Variants in CNTN5 observed in about 807,000 individuals in gnomAD.
CNTN5 encodes the protein contactin-5.
Under a neutral mutation model 129.1 loss-of-function variants are expected in CNTN5, and 77 were observed. That is an observed-to-expected ratio of 0.60 (90% CI 0.50 to 0.72). The LOEUF (loss-of-function observed/expected upper bound fraction) is 0.72. CNTN5 is among the 30% of genes least tolerant of loss of function. The pLI is 0.00. For missense variants in CNTN5, 1,478 were observed against 1,328.8 expected (o/e 1.11, Z -1.75); for synonymous variants, 509 against 465.6 (o/e 1.09, Z -1.20).
chr11:99,399,779 C>T (rs1001894001), intron 2 of CNTN5, among the ~76,000 whole-genome samples: 1 of 151,462 alleles, frequency 6.6e-6, no homozygotes, highest in Non-Finnish European at 1.5e-5. Context: ...CTTTGATTCT[C>T]TCAGATATTT....
At chr11:99,284,438 G>C (rs1863833670) in intron 1 of CNTN5, among the ~76,000 whole-genome samples, 1 of 151,826 alleles carries the variant, frequency 6.6e-6, no homozygotes, top group African/African-American at 2.4e-5. Flanking sequence ...TGGCTCCAAC[G>C]GTGACTTGTT....
chr11:99,215,515 T>A (rs1860070739), intron 1 of CNTN5, among the ~76,000 whole-genome samples: 1 of 152,156 alleles, frequency 6.6e-6, no homozygotes, highest in Non-Finnish European at 1.5e-5. Flanking sequence ...ATATTTGGTT[T>A]GAGCAGCTGA....
intron 7 of CNTN5, among the ~76,000 whole-genome samples, chr11:99,950,156 T>C (rs953943684): frequency 6.6e-6 from 1 of 152,226 alleles, no homozygotes; most frequent in African/African-American, 2.4e-5. Flanking sequence ...GTATTCTCTT[T>C]TGCATTCTTC....
In CNTN5 at chr11:99,598,473, C is replaced by A. The variant is rs916398897; in HGVS notation, c.55+42204C>A. On this transcript the variant is annotated intron_variant, in intron 3 of 24. Coordinates refer to ENST00000524871, the MANE Select transcript of CNTN5 (RefSeq NM_014361.4). ...TCCTTCCTTCCTTTTTCCCTTCCTTCTTTCCTTCCCTTCTTCCTTCCTTTC... is the reference window on the plus strand; with the variant it reads ...TCCTTCCTTCCTTTTTCCCTTCCTTATTTCCTTCCCTTCTTCCTTCCTTTC... Among the ~76,000 whole-genome samples, 3 of 135,564 alleles carry A rather than the reference C, an allele frequency of 2.2e-5. No individual in the cohort carries two copies. In the Admixed American group the frequency reaches 2.4e-4, roughly 11 times the overall value. The allele number at this position is 135,564 out of a possible 152,430, so 88.9% of individuals were successfully genotyped here.
intron 7 of CNTN5, 143 bp downstream of exon 7, chr11:99,916,292 A>C (rs367882866): frequency 1.7e-6 from 1 of 602,032 alleles, no homozygotes. Context: ...CAGATGAGTA[A>C]TTCAAGATCA....
intron 13 of CNTN5, among the ~76,000 whole-genome samples, chr11:100,076,682 T>A (rs78381372): frequency 0.035 from 5,316 of 152,034 alleles, 155 homozygotes; most frequent in African/African-American, 0.082. Context: ...TTTTTTTTTT[T>A]AATTTATTCA....
intron 1 of CNTN5, among the ~76,000 whole-genome samples, chr11:99,177,790 G>A (rs1177608796): frequency 6.6e-6 from 1 of 152,146 alleles, no homozygotes; most frequent in African/African-American, 2.4e-5. Flanking sequence ...TTCATGAAAA[G>A]ACCAAAACAA....
At chr11:99,496,202 G>T (rs1367056519) in intron 2 of CNTN5, among the ~76,000 whole-genome samples, 1 of 152,080 alleles carries the variant, frequency 6.6e-6, no homozygotes, top group Non-Finnish European at 1.5e-5. Flanking sequence ...GCGTGACGAG[G>T]ACTGAGGTCA....
chr11:99,528,399 T>A (rs1337211832), intron 2 of CNTN5, among the ~76,000 whole-genome samples: 2 of 152,108 alleles, frequency 1.3e-5, no homozygotes, highest in African/African-American at 4.8e-5. Flanking sequence ...AAAAGCAAAA[T>A]CTATAAATGC....
intron 15 of CNTN5, among the ~76,000 whole-genome samples, chr11:100,195,996 G>T (rs1468478000): frequency 6.6e-6 from 1 of 151,972 alleles, no homozygotes; most frequent in African/African-American, 2.4e-5. Context: ...ACCAAGGACA[G>T]ACTGTGGGAG....
intron 13 of CNTN5, among the ~76,000 whole-genome samples, chr11:100,184,528 A>G (rs1362889402): frequency 2.6e-5 from 4 of 152,182 alleles, no homozygotes; most frequent in African/African-American, 9.6e-5. Context: ...ACAGACAGCA[A>G]GGGAACAGGG....
intron 3 of CNTN5, among the ~76,000 whole-genome samples, chr11:99,755,266 G>C (rs1264395968): frequency 6.6e-6 from 1 of 152,112 alleles, no homozygotes; most frequent in East Asian, 1.9e-4. Flanking sequence ...TGAATTGTAT[G>C]GTAAGAGTAT....
intron 3 of CNTN5, among the ~76,000 whole-genome samples, chr11:99,810,127 A>C (rs924712917): frequency 9.9e-5 from 15 of 152,072 alleles, no homozygotes; most frequent in Admixed American, 1.3e-4. Flanking sequence ...AAACAAGAAA[A>C]CTGTTAGAAT....
At chr11:100,351,352 C>A (rs1565446106) in intron 24 of CNTN5, among the ~76,000 whole-genome samples, 1 of 151,364 alleles carries the variant, frequency 6.6e-6, no homozygotes, top group Admixed American at 6.6e-5. Context: ...TTAATAATTG[C>A]TAGCTTTCAC....
intron 2 of CNTN5, among the ~76,000 whole-genome samples, chr11:99,534,117 C>T (rs1947813798): frequency 6.6e-6 from 1 of 152,202 alleles, no homozygotes; most frequent in South Asian, 2.1e-4. Flanking sequence ...GGCTCTACTT[C>T]ACACCTTTAA....
chr11:99,748,338 T>C (rs1944124552), intron 3 of CNTN5, among the ~76,000 whole-genome samples: 1 of 152,140 alleles, frequency 6.6e-6, no homozygotes, highest in Admixed American at 6.5e-5. Flanking sequence ...CATCAAATCC[T>C]GGGCTTATCT....
intron 8 of CNTN5, among the ~76,000 whole-genome samples, chr11:99,997,231 A>G (rs1350462478): frequency 6.6e-6 from 1 of 151,820 alleles, no homozygotes; most frequent in South Asian, 2.1e-4. Context: ...TTTGGTCTCT[A>G]TTTCCTTCAG....
chr11:99,169,049 T>C (rs1861022401), intron 1 of CNTN5, among the ~76,000 whole-genome samples: 1 of 152,216 alleles, frequency 6.6e-6, no homozygotes. Flanking sequence ...GAACTGTACA[T>C]GTAGGACTTA....
chr11:100,258,142 C>T (rs1950116731), intron 17 of CNTN5, among the ~76,000 whole-genome samples: 1 of 152,000 alleles, frequency 6.6e-6, no homozygotes, highest in South Asian at 2.1e-4. Context: ...GTGAAGCATA[C>T]AGAAGTATCA....
Sources: allele counts gnomAD v4.1 joint callset (sites outside exome capture counted in the v4.1 genomes callset), GRCh38; gene constraint gnomAD v4.1.1; transcripts MANE v1.5; gene names NCBI Gene and HGNC (gene_info 2026-07-23, HGNC 2026-07-21).